The following ASTN1 variants were observed in gnomAD, a reference collection of about 807,000 sequenced individuals.
The protein encoded by ASTN1 is astrotactin-1.
ASTN1 carries 41 observed loss-of-function variants against 140.7 expected under a neutral mutation model. The observed-to-expected ratio is 0.29, with a 90% confidence interval of 0.23 to 0.38. The LOEUF is 0.38. Among genes scored for constraint, ASTN1 ranks in the 10% least tolerant of loss-of-function variants. The pLI, the probability that ASTN1 is intolerant of heterozygous loss-of-function variation, is 1.00. For synonymous variants in ASTN1, 640 were observed against 652.2 expected (o/e 0.98, Z 0.29); for missense variants, 1,479 against 1,678.8 (o/e 0.88, Z 2.08).
intron 8 of ASTN1, among the ~76,000 whole-genome samples, chr1:176,979,686 G>GAAAAC (rs58812922): frequency 0.06 from 9,169 of 151,636 alleles, 918 homozygotes; most frequent in African/African-American, 0.21. Context: ...AAGCCCTCAG[G>GAAAAC]AAAACAAAAC....
At chr1:177,017,775 T>A (rs1675631446) in intron 7 of ASTN1, among the ~76,000 whole-genome samples, 1 of 152,212 alleles carries the variant, frequency 6.6e-6, no homozygotes, top group Non-Finnish European at 1.5e-5. Flanking sequence ...GTGCAGGGTC[T>A]GGAGACAGCT....
At chr1:177,154,833 T>C (rs923464919) in intron 1 of ASTN1, among the ~76,000 whole-genome samples, 1 of 152,070 alleles carries the variant, frequency 6.6e-6, no homozygotes, top group Non-Finnish European at 1.5e-5. Context: ...AAATATGCTG[T>C]GAATTGAGGA....
intron 8 of ASTN1, among the ~76,000 whole-genome samples, chr1:176,974,744 G>A (rs1395757494): frequency 5.3e-5 from 8 of 152,208 alleles, no homozygotes; most frequent in African/African-American, 1.4e-4. Context: ...TGAACAAAAT[G>A]TTGTACCTTT....
At chr1:176,901,862 T>A (rs1669781209) in intron 16 of ASTN1, among the ~76,000 whole-genome samples, 1 of 152,236 alleles carries the variant, frequency 6.6e-6, no homozygotes, top group African/African-American at 2.4e-5. Context: ...TATGTTCTTG[T>A]CCCTTCTCAC....
intron 1 of ASTN1, among the ~76,000 whole-genome samples, chr1:177,064,291 C>A (rs1678239674): frequency 6.6e-6 from 1 of 152,150 alleles, no homozygotes; most frequent in Non-Finnish European, 1.5e-5. Context: ...CTTCGTATCC[C>A]ATGATTTCTT....
chr1:177,149,281 AAT>A (rs1445142249), intron 1 of ASTN1, among the ~76,000 whole-genome samples: 25 of 91,594 alleles, frequency 2.7e-4, no homozygotes, highest in South Asian at 1.0e-3. Flanking sequence ...ATATATAGTA[AAT>A]ATATATATAG....
chr1:177,050,780 C>T (rs1016824720), intron 2 of ASTN1, among the ~76,000 whole-genome samples: 5 of 152,146 alleles, frequency 3.3e-5, no homozygotes, highest in African/African-American at 1.2e-4. Context: ...ACGTAACAGT[C>T]CTCACAAAAA....
intron 8 of ASTN1, among the ~76,000 whole-genome samples, chr1:176,996,341 AG>A (rs1473581848): frequency 4.6e-5 from 7 of 151,908 alleles, no homozygotes; most frequent in Non-Finnish European, 1.5e-5. Flanking sequence ...AGACAGAGAA[AG>A]AGAAAGAGAT....
intron 1 of ASTN1, among the ~76,000 whole-genome samples, chr1:177,072,257 T>G (rs189188278): frequency 1.3e-5 from 2 of 152,328 alleles, no homozygotes; most frequent in African/African-American, 4.8e-5. Flanking sequence ...GGCTTATAGA[T>G]CCAAGACTGA....
chr1:177,106,143 C>T (rs1161270203), intron 1 of ASTN1, among the ~76,000 whole-genome samples: 1 of 152,144 alleles, frequency 6.6e-6, no homozygotes, highest in Non-Finnish European at 1.5e-5. Context: ...TTATGCTATT[C>T]TTCCCAGAAG....
At chr1:177,145,920 A>G (rs1416267969) in intron 1 of ASTN1, among the ~76,000 whole-genome samples, 3 of 152,194 alleles carry the variant, frequency 2.0e-5, no homozygotes, top group African/African-American at 7.2e-5. Context: ...GGCCTCTGCA[A>G]TCCTTTACAC....
At chr1:177,007,999 A>G (rs986540430) in intron 8 of ASTN1, among the ~76,000 whole-genome samples, 2 of 152,190 alleles carry the variant, frequency 1.3e-5, no homozygotes, top group Admixed American at 6.5e-5. Context: ...ACTGACCACA[A>G]GGGTTTTGTG....
At chr1:176,905,400 T>G (rs1669942429) in intron 16 of ASTN1, among the ~76,000 whole-genome samples, 1 of 152,164 alleles carries the variant, frequency 6.6e-6, no homozygotes, top group African/African-American at 2.4e-5. Context: ...AAATTTTTAA[T>G]AAAAATATTA....
At chr1:177,058,438 T>C (rs1203716290) in intron 2 of ASTN1, among the ~76,000 whole-genome samples, 1 of 152,194 alleles carries the variant, frequency 6.6e-6, no homozygotes, top group East Asian at 1.9e-4. Context: ...TTCCATTTTA[T>C]TTGAAAAATA....
intron 19 of ASTN1, among the ~76,000 whole-genome samples, chr1:176,883,837 A>G (rs1668911166): frequency 6.9e-6 from 1 of 144,304 alleles, no homozygotes; most frequent in Non-Finnish European, 1.5e-5. Context: ...CCATTTTGTT[A>G]AGGCTTCCCT....
intron 1 of ASTN1, among the ~76,000 whole-genome samples, chr1:177,108,296 C>CTGAGAT (rs1373178025): frequency 7.1e-6 from 1 of 141,192 alleles, no homozygotes; most frequent in Non-Finnish European, 1.5e-5. Context: ...TTGCAGTGAG[C>CTGAGAT]TGAGATTGCA....
At position 177,083,747 on chromosome 1, in the gene ASTN1, A is replaced by G. The variant is rs990976679; in HGVS notation, c.284-22482T>C. On this transcript the variant is annotated intron_variant, in intron 1 of 22. Coordinates refer to ENST00000361833, the MANE Select transcript of ASTN1 (RefSeq NM_004319.3). The stretch of plus-strand genomic sequence containing the variant: ...ATTGTCAACACACTCTCATAAGTGG[A>G]CAACTACTCTCAGTGGTAACCACCT... 3.3e-5 allele frequency among the ~76,000 whole-genome samples: 5 copies of G among 152,158 alleles called. No homozygotes were observed. The East Asian group carries it at 5.8e-4, about 18-fold the overall frequency.
At position 177,040,299 on chromosome 1, in the gene ASTN1, T is replaced by C. The variant is rs1216204881; in HGVS notation, c.472-7450A>G. On this transcript the variant is annotated intron_variant, in intron 2 of 22. Coordinates refer to ENST00000361833, the MANE Select transcript of ASTN1 (RefSeq NM_004319.3). Reference sequence around the variant, plus strand: ...CAGTTGCCACGGGCCACTAAGTTAATTAAGAGGCCTCAATATGTCTTCTGG... The same window carrying C: ...CAGTTGCCACGGGCCACTAAGTTAACTAAGAGGCCTCAATATGTCTTCTGG... Among the ~76,000 whole-genome samples the C allele has an allele frequency of 2.6e-5, 4 of 152,210 alleles. No individual in the cohort carries two copies. The East Asian group carries it at 7.7e-4, about 29-fold the overall frequency.
intron 1 of ASTN1, among the ~76,000 whole-genome samples, chr1:177,074,057 A>T (rs1258545764): frequency 6.6e-6 from 1 of 151,998 alleles, no homozygotes; most frequent in Non-Finnish European, 1.5e-5. Context: ...TTTAGCCATG[A>T]CTTCATGTAG....
Sources: allele counts gnomAD v4.1 joint callset (sites outside exome capture counted in the v4.1 genomes callset), GRCh38; gene constraint gnomAD v4.1.1; transcripts MANE v1.5; gene names NCBI Gene and HGNC (gene_info 2026-07-23, HGNC 2026-07-21).